The following NUP107 variants were observed in gnomAD, a reference collection of about 807,000 sequenced individuals.
The protein encoded by NUP107 is nucleoporin 107.
Under a neutral mutation model 141.0 loss-of-function variants are expected in NUP107, and 101 were observed. The ratio of observed to expected loss-of-function variants is 0.72; its 90% CI spans 0.61 to 0.84. NUP107 has a LOEUF of 0.84. Among genes scored for constraint, NUP107 ranks in the 40% least tolerant of loss-of-function variants. The pLI, the probability that NUP107 is intolerant of heterozygous loss-of-function variation, is 0.00. For missense variants in NUP107, 941 were observed against 1,102.7 expected (o/e 0.85, Z 2.08); for synonymous variants, 319 against 363.9 (o/e 0.88, Z 1.41).
rs1259210745 is a variant in NUP107, at chr12:68,716,634, A to G, written c.1083+894A>G. Among the ~76,000 whole-genome samples, 4 of 152,144 alleles carry G rather than the reference A, an allele frequency of 2.6e-5. No individual in the cohort carries two copies. In the East Asian group the frequency reaches 7.7e-4, roughly 29 times the overall value. On this transcript the variant is annotated intron_variant, in intron 12 of 27. Coordinates refer to ENST00000229179, the MANE Select transcript of NUP107 (RefSeq NM_020401.4). ...CACTTGAAGGCTACAATGGCCCTCA[A>G]ACTTCTTCCTTTTAACCTTACCTTT...
intron 12 of NUP107, among the ~76,000 whole-genome samples, chr12:68,718,626 G>A (rs1041246310): frequency 1.3e-5 from 2 of 151,930 alleles, no homozygotes; most frequent in African/African-American, 4.8e-5. Context: ...ACAGAAAAGG[G>A]ATTTTTTAGA....
At position 68,738,446 on chromosome 12, in the gene NUP107, G is replaced by A. The variant is rs1180443523; in HGVS notation, c.2502+3102G>A. 4.4e-5 allele frequency among the ~76,000 whole-genome samples: 6 copies of A among 135,742 alleles called. No homozygotes were observed. The East Asian group carries it at 8.9e-4, about 20-fold the overall frequency. 89.1% of individuals were successfully genotyped at this position (135,742 alleles called of 152,430 possible). A position where few individuals can be genotyped will look rare whatever the true frequency, so the allele number is the denominator to read the frequency against. ...AGCCTGGGCAACAAAGGGAGACTCC[G>A]TCTCAAAAAAAAAAAAAAAAAATTG... On this transcript the variant is annotated intron_variant, in intron 26 of 27. Coordinates refer to ENST00000229179, the MANE Select transcript of NUP107 (RefSeq NM_020401.4).
At position 68,731,241 on chromosome 12, in the gene NUP107, G is replaced by A; in HGVS notation, c.1866G>A (p.Leu622=). 1 of 1,599,890 alleles carries A rather than the reference G, an allele frequency of 6.3e-7. No individual in the cohort carries two copies. Among genetic ancestry groups the A allele is most frequent in the Non-Finnish European group, 8.5e-7 (1 of 1,175,116 alleles). The change falls in exon 21 of 28, where the codon CTG becomes CTA. Residue 622 remains leucine (L), a synonymous_variant. Coordinates refer to ENST00000229179, the MANE Select transcript of NUP107 (RefSeq NM_020401.4). ...VTEFEQRHHC[L]ELAKEADLDV... Reference sequence around the variant, plus strand: ...AATTTGAACAGCGCCACCATTGCCTGGAGTTGGCTAAAGAAGCAGGTAAAA... The same window carrying A: ...AATTTGAACAGCGCCACCATTGCCTAGAGTTGGCTAAAGAAGCAGGTAAAA...
At chr12:68,735,646 A>G (rs569595482) in intron 26 of NUP107, among the ~76,000 whole-genome samples, 1 of 152,264 alleles carries the variant, frequency 6.6e-6, no homozygotes, top group East Asian at 1.9e-4. Flanking sequence ...TATAAAGATA[A>G]CTCGAGTAGT....
At position 68,709,762 on chromosome 12, in the gene NUP107, G is replaced by A. The variant is rs192672281; in HGVS notation, c.802-243G>A. ...AAATTAGCTGGGTGTGGTGGTGGGC[G>A]CCTGTAGTCCCAGCTACTTGGGAGG... On this transcript the variant is annotated intron_variant, in intron 9 of 27. Transcript: ENST00000229179. Among the ~76,000 whole-genome samples, 1,424 of 151,982 alleles carry A rather than the reference G, an allele frequency of 9.4e-3. 12 individuals are homozygous for A. Among genetic ancestry groups the A allele is most frequent in the South Asian group, 0.021 (101 of 4,802 alleles).
Position 68,744,840 on chromosome 12 carries a change from T to G in NUP107, c.*2378T>G, listed in dbSNP as rs1878461452. 1 of 152,204 alleles carries G rather than the reference T, an allele frequency of 6.6e-6. No homozygotes were observed. The highest frequency in any genetic ancestry group is 2.4e-5 in the African/African-American group (1 of 41,446). 9.4% of individuals were successfully genotyped at this position (152,204 alleles called of 1,614,324 possible). ...AAGTGGTGGGCACCTGAGTGGGAAA[T>G]TTCAGGCAACTTAATTTAGTTCCTC... On this transcript the variant is annotated 3_prime_UTR_variant, in exon 28 of 28. Transcript: ENST00000229179.
chr12:68,706,298 A>G (rs1876576325), intron 8 of NUP107: 2 of 934,418 alleles, frequency 2.1e-6, no homozygotes, highest in South Asian at 2.6e-5. Flanking sequence ...TGAAGAGATC[A>G]GCTTCCTCAG....
rs1592528410 is a variant in NUP107, at chr12:68,742,565, G to T, written c.*103G>T. ...CTTTTGCATTACCATGTAAAATTTAGACATTTGAATTTTGTACTTTTCAGA... is the reference window on the plus strand; with the variant it reads ...CTTTTGCATTACCATGTAAAATTTATACATTTGAATTTTGTACTTTTCAGA... On this transcript the variant is annotated 3_prime_UTR_variant, in exon 28 of 28. Transcript: ENST00000229179. The T allele has an allele frequency of 1.8e-6, 1 of 568,362 alleles. No individual in the cohort carries two copies. The highest frequency in any genetic ancestry group is 3.2e-5 in the East Asian group (1 of 31,186). 35.2% of individuals were successfully genotyped at this position (568,362 alleles called of 1,614,324 possible). A position where few individuals can be genotyped will look rare whatever the true frequency, so the allele number is the denominator to read the frequency against.
intron 5 of NUP107, among the ~76,000 whole-genome samples, chr12:68,695,390 G>T (rs1876002647): frequency 1.3e-5 from 2 of 152,160 alleles, no homozygotes; most frequent in African/African-American, 4.8e-5. Flanking sequence ...TAGATGAATG[G>T]GGGAAACAAA....
At chr12:68,706,560 A>G (rs1470743518) in intron 8 of NUP107, 4 of 681,650 alleles carry the variant, frequency 5.9e-6, no homozygotes, top group African/African-American at 1.8e-5. Flanking sequence ...CTCCAAGATG[A>G]ACAGGAACAT....
chr12:68,687,649 C>CAAAG, intron 1 of NUP107: 3 of 985,536 alleles, frequency 3.0e-6, no homozygotes, highest in South Asian at 9.4e-5. Flanking sequence ...GAAGACCCCT[C>CAAAG]AAAGAAGGTA....
intron 17 of NUP107, among the ~76,000 whole-genome samples, chr12:68,724,924 A>G (rs1328562218): frequency 6.6e-6 from 1 of 152,232 alleles, no homozygotes; most frequent in Non-Finnish European, 1.5e-5. Context: ...GATGAGTGGA[A>G]CACAAAGTCC....
At chr12:68,730,331 G>A (rs1042220216) in intron 20 of NUP107, among the ~76,000 whole-genome samples, 7 of 147,820 alleles carry the variant, frequency 4.7e-5, no homozygotes, top group African/African-American at 1.7e-4. Flanking sequence ...TGATTCTCCT[G>A]CCTCAGCCTC....
In NUP107 at chr12:68,735,328, T is replaced by C. The variant is rs1878023589; in HGVS notation, c.2486T>C (p.Met829Thr). The part of the protein sequence containing the change: ...NVLLFVDGGW[M>T]VDVREDAKED... ...TTGTTGTTTGTTGATGGAGGGTGGA[T>C]GGTGGATGTTAGAGAGGTAAGCTGT... The change falls in exon 26 of 28, where the codon ATG (methionine) becomes ACG (threonine). Residue 829 changes from methionine to threonine, a missense_variant. By Grantham distance (81) the Met-to-Thr change is moderately conservative. Transcript: ENST00000229179. 6.2e-7 allele frequency: 1 copy of C among 1,613,176 alleles called. No individual in the cohort carries two copies. The highest frequency in any genetic ancestry group is 8.5e-7 in the Non-Finnish European group (1 of 1,179,324).
Position 68,719,348 on chromosome 12 carries a change from G to A in NUP107, c.1091G>A (p.Arg364Gln), listed in dbSNP as rs1225735921. ...TCTTTCTTGTTTTCTAAGGCACAAC[G>A]ACTCTGTAAACGCTGTGGTCAAGCA... The part of the protein sequence containing the change: ...IRAGMTEEAQ[R>Q]LCKRCGQAWR... The change falls in exon 13 of 28, where the codon CGA (arginine) becomes CAA (glutamine). Residue 364 changes from arginine to glutamine, a missense_variant. Arg to Gln is a conservative substitution (Grantham distance 43). Transcript: ENST00000229179. The A allele has an allele frequency of 6.8e-6, 11 of 1,613,722 alleles. No individual in the cohort carries two copies. The highest frequency in any genetic ancestry group is 3.3e-5 in the Admixed American group (2 of 59,990).
intron 11 of NUP107, chr12:68,714,274 A>G (rs1228252678): frequency 6.6e-6 from 1 of 152,450 alleles, no homozygotes; most frequent in Non-Finnish European, 1.5e-5. Flanking sequence ...TATAGTGAAA[A>G]GAGAGAAATA....
At chr12:68,689,109 G>T in intron 2 of NUP107, 56 bp downstream of exon 2, 1 of 1,407,602 alleles carries the variant, frequency 7.1e-7, no homozygotes, top group South Asian at 1.2e-5. Flanking sequence ...TGGAATCAGT[G>T]TTGTAGAATT....
chr12:68,719,302 C>G (rs765081150), intron 12 of NUP107, 39 bp from the exon 13 acceptor site: 33 of 1,482,936 alleles, frequency 2.2e-5, no homozygotes, highest in East Asian at 2.0e-4. Context: ...TATAAAGCAC[C>G]CTGGTTATTG....
intron 3 of NUP107, chr12:68,690,337 T>C: frequency 2.5e-6 from 1 of 397,568 alleles, no homozygotes; most frequent in Non-Finnish European, 4.6e-6. Flanking sequence ...AATTAAAATA[T>C]GAAGAATCCG....
Sources: allele counts gnomAD v4.1 joint callset (sites outside exome capture counted in the v4.1 genomes callset), GRCh38; gene constraint gnomAD v4.1.1; transcripts MANE v1.5; gene names NCBI Gene and HGNC (gene_info 2026-07-23, HGNC 2026-07-21).